The following RPS6KC1 variants were observed in gnomAD, a reference collection of about 807,000 sequenced individuals.
The protein encoded by RPS6KC1 is ribosomal protein S6 kinase C1.
In RPS6KC1, 54 loss-of-function variants were observed where a neutral mutation model predicts 103.8. The ratio of observed to expected loss-of-function variants is 0.52; its 90% confidence interval spans 0.42 to 0.65. RPS6KC1 has a LOEUF of 0.65. Ranked by LOEUF, RPS6KC1 falls within the 30% of genes least tolerant of loss-of-function variation. RPS6KC1 has a pLI of 0.00. For missense variants in RPS6KC1, 1,151 were observed against 1,253.8 expected (o/e 0.92, Z 1.24); for synonymous variants, 439 against 438.7 (o/e 1.00, Z -0.01).
chr1:213,215,226 C>T (rs141685029), intron 8 of RPS6KC1, among the ~76,000 whole-genome samples: 2,079 of 152,098 alleles, frequency 0.014, 49 homozygotes, highest in East Asian at 0.071. Flanking sequence ...AACTTCATGA[C>T]GAATGCACAA....
chr1:213,160,394 A>T (rs899980416), intron 6 of RPS6KC1, among the ~76,000 whole-genome samples: 6 of 152,252 alleles, frequency 3.9e-5, no homozygotes, highest in Non-Finnish European at 7.3e-5. Flanking sequence ...TCATAAAATT[A>T]AATCAAAATA....
chr1:213,150,419 T>C (rs994179736), intron 6 of RPS6KC1, among the ~76,000 whole-genome samples: 5 of 148,688 alleles, frequency 3.4e-5, no homozygotes, highest in Non-Finnish European at 6.0e-5. Flanking sequence ...GATAAACAAG[T>C]GAACAAAGGT....
chr1:213,381,288 G>A, the RPS6KC1 span, among the ~76,000 whole-genome samples: 1 of 152,176 alleles, frequency 6.6e-6, no homozygotes, highest in African/African-American at 2.4e-5. Context: ...CTGGAGCACA[G>A]TATTTTTCTT....
the RPS6KC1 span, among the ~76,000 whole-genome samples, chr1:213,499,254 A>G: frequency 6.6e-6 from 1 of 152,208 alleles, no homozygotes; most frequent in African/African-American, 2.4e-5. Context: ...AATGGAGTTG[A>G]CAAAATGATC....
the RPS6KC1 span, among the ~76,000 whole-genome samples, chr1:213,491,486 T>G: frequency 2.8e-4 from 43 of 152,244 alleles, no homozygotes; most frequent in South Asian, 8.3e-3. Context: ...AGGCAGAGAT[T>G]GAAGTGAGCT....
the RPS6KC1 span, among the ~76,000 whole-genome samples, chr1:213,582,936 A>G: frequency 1.3e-5 from 2 of 152,164 alleles, no homozygotes; most frequent in East Asian, 1.9e-4. Context: ...CCCATGGCCT[A>G]GATTCCAGGG....
At chr1:213,513,454 A>T in the RPS6KC1 span, among the ~76,000 whole-genome samples, 102,987 of 152,124 alleles carry the variant, frequency 0.68, 36,060 homozygotes, top group East Asian at 0.99. Flanking sequence ...GTAGTAGAAC[A>T]ATTGAAGAAA....
chr1:213,249,635 C>T (rs2094510217), intron 12 of RPS6KC1, among the ~76,000 whole-genome samples: 1 of 152,144 alleles, frequency 6.6e-6, no homozygotes, highest in Non-Finnish European at 1.5e-5. Flanking sequence ...CACTGTGACA[C>T]CTGATGGCTA....
At chr1:213,365,181 G>A in the RPS6KC1 span, among the ~76,000 whole-genome samples, 1 of 152,210 alleles carries the variant, frequency 6.6e-6, no homozygotes, top group East Asian at 1.9e-4. Context: ...TATTAAGACG[G>A]TATGCATTGT....
At chr1:213,291,422 C>G in the RPS6KC1 span, among the ~76,000 whole-genome samples, 3 of 152,232 alleles carry the variant, frequency 2.0e-5, no homozygotes, top group Admixed American at 2.0e-4. Context: ...TTCTTTGAAA[C>G]ATTTCTGATG....
intron 8 of RPS6KC1, among the ~76,000 whole-genome samples, chr1:213,206,070 A>G (rs2148627670): frequency 6.6e-6 from 1 of 152,170 alleles, no homozygotes; most frequent in Admixed American, 6.5e-5. Context: ...CTTGCATTTG[A>G]ATACTATATT....
At chr1:213,532,161 T>C in the RPS6KC1 span, among the ~76,000 whole-genome samples, 7 of 152,230 alleles carry the variant, frequency 4.6e-5, no homozygotes, top group African/African-American at 1.7e-4. Flanking sequence ...GCCTGGCACC[T>C]CCATAGGCTC....
At chr1:213,718,659 C>T in the RPS6KC1 span, among the ~76,000 whole-genome samples, 4 of 152,214 alleles carry the variant, frequency 2.6e-5, no homozygotes, top group Admixed American at 2.6e-4. Flanking sequence ...CCTTCCACAC[C>T]ATCTGCTGGT....
chr1:213,279,326 G>A (rs143743419), downstream of RPS6KC1, among the ~76,000 whole-genome samples: 2,516 of 152,194 alleles, frequency 0.017, 30 homozygotes, highest in Non-Finnish European at 0.025. Flanking sequence ...GTGTATAGAG[G>A]TAGAGTGTTC....
chr1:213,378,792 G>A, the RPS6KC1 span, among the ~76,000 whole-genome samples: 1 of 152,274 alleles, frequency 6.6e-6, no homozygotes, highest in East Asian at 1.9e-4. Context: ...AGAGAACGAG[G>A]CCCTAGCCCA....
At chr1:213,061,784 C>G (rs985613439) in intron 1 of RPS6KC1, among the ~76,000 whole-genome samples, 1 of 152,092 alleles carries the variant, frequency 6.6e-6, no homozygotes, top group Non-Finnish European at 1.5e-5. Flanking sequence ...TTATTCCTGT[C>G]CCACATTCAG....
the RPS6KC1 span, among the ~76,000 whole-genome samples, chr1:213,539,835 TATC>T: frequency 2.4e-4 from 36 of 149,574 alleles, no homozygotes; most frequent in African/African-American, 8.3e-4. Flanking sequence ...ATAAAGCAAG[TATC>T]ATAATAAAGC....
the RPS6KC1 span, among the ~76,000 whole-genome samples, chr1:213,445,247 T>G: frequency 6.6e-6 from 1 of 152,252 alleles, no homozygotes; most frequent in Non-Finnish European, 1.5e-5. Flanking sequence ...TCTCCGTTCA[T>G]CAGTTAGTGG....
At chr1:213,245,865 G>A (rs2094446039) in intron 12 of RPS6KC1, among the ~76,000 whole-genome samples, 1 of 152,066 alleles carries the variant, frequency 6.6e-6, no homozygotes, top group African/African-American at 2.4e-5. Flanking sequence ...TGTTATTTAA[G>A]TATAGTTTCT....
Sources: gnomAD v4.1 joint callset for allele counts (sites outside exome capture counted in the v4.1 genomes callset) on GRCh38, gnomAD v4.1.1 for gene constraint, MANE v1.5 for transcripts, NCBI Gene and HGNC (gene_info 2026-07-23, HGNC 2026-07-21) for gene names.